Variants in RNF130 observed in about 807,000 individuals in gnomAD.
RNF130 encodes ring finger protein 130.
RNF130 carries 21 observed loss-of-function variants against 44.6 expected under a neutral mutation model. The ratio of observed to expected loss-of-function variants is 0.47; its 90% CI spans 0.33 to 0.68. The LOEUF is 0.68. RNF130 is among the 30% of genes least tolerant of loss of function. The pLI is 0.02. For missense variants in RNF130, 479 were observed against 560.6 expected (o/e 0.85, Z 1.47); for synonymous variants, 214 against 210.4 (o/e 1.02, Z -0.15).
At chr5:179,932,255 T>TAATAC (rs1210877402) in intron 7 of RNF130, among the ~76,000 whole-genome samples, 2 of 152,174 alleles carry the variant, frequency 1.3e-5, no homozygotes, top group Admixed American at 6.5e-5. Context: ...TCAAGACCTT[T>TAATAC]AATACAAATG....
intron 2 of RNF130, among the ~76,000 whole-genome samples, chr5:180,020,372 C>T (rs1283078633): frequency 6.6e-6 from 1 of 152,162 alleles, no homozygotes; most frequent in African/African-American, 2.4e-5. Flanking sequence ...TGAAGTCTCC[C>T]CACGTGGAAG....
intron 3 of RNF130, among the ~76,000 whole-genome samples, chr5:180,004,727 G>A (rs1763424296): frequency 6.6e-6 from 1 of 152,220 alleles, no homozygotes; most frequent in African/African-American, 2.4e-5. Flanking sequence ...AGTATATTGA[G>A]GATAGGTCAC....
chr5:180,025,601 G>C (rs1186156122), intron 2 of RNF130, among the ~76,000 whole-genome samples: 1 of 151,926 alleles, frequency 6.6e-6, no homozygotes, highest in Non-Finnish European at 1.5e-5. Flanking sequence ...TACTGCTTAA[G>C]TGTTTCAGTT....
At chr5:179,924,787 A>G (rs1006519283) in intron 7 of RNF130, among the ~76,000 whole-genome samples, 1 of 151,596 alleles carries the variant, frequency 6.6e-6, no homozygotes, top group Non-Finnish European at 1.5e-5. Context: ...AGGCTATCTC[A>G]AAAAAAAATT....
chr5:179,960,239 A>G (rs1762296345), intron 8 of RNF130, among the ~76,000 whole-genome samples: 1 of 152,238 alleles, frequency 6.6e-6, no homozygotes. Context: ...TGAGAAGCCA[A>G]TATGTAAATA....
At chr5:180,004,536 A>T (rs1763420635) in intron 3 of RNF130, among the ~76,000 whole-genome samples, 1 of 152,216 alleles carries the variant, frequency 6.6e-6, no homozygotes, top group Non-Finnish European at 1.5e-5. Flanking sequence ...TATAGCATAC[A>T]GCTTGAGGGG....
chr5:180,054,191 T>C (rs904314066), intron 1 of RNF130, among the ~76,000 whole-genome samples: 7 of 152,210 alleles, frequency 4.6e-5, no homozygotes, highest in Admixed American at 2.0e-4. Context: ...TTATATCTTA[T>C]GCATTCATGC....
chr5:179,947,333 A>G (rs1762056447), intron 7 of RNF130, among the ~76,000 whole-genome samples: 1 of 152,114 alleles, frequency 6.6e-6, no homozygotes, highest in Non-Finnish European at 1.5e-5. Context: ...ATCACCATCC[A>G]GCCCTAGGAC....
chr5:179,958,007 A>C (rs1400218324), intron 8 of RNF130, among the ~76,000 whole-genome samples: 1 of 150,580 alleles, frequency 6.6e-6, no homozygotes, highest in Non-Finnish European at 1.5e-5. Context: ...CCTCCCAAGT[A>C]GCTGGGACTA....
At chr5:179,978,113 G>T in intron 5 of RNF130, 90 bp downstream of exon 5, 1 of 1,102,376 alleles carries the variant, frequency 9.1e-7, no homozygotes, top group South Asian at 1.3e-5. Flanking sequence ...GGTGGGTGGC[G>T]CTCAAAAGCA....
exon 8 of RNF130, chr5:179,918,816 C>G (rs1460259920): frequency 2.0e-5 from 3 of 152,236 alleles, no homozygotes; most frequent in African/African-American, 7.2e-5. Context: ...GCTCCTGAAG[C>G]CTGTCCCCAT....
chr5:179,990,813 G>T (rs936891672), intron 3 of RNF130, among the ~76,000 whole-genome samples: 2 of 152,118 alleles, frequency 1.3e-5, no homozygotes, highest in Non-Finnish European at 2.9e-5. Flanking sequence ...TCTCTGTATG[G>T]CCTGGTTTTT....
chr5:179,941,769 T>C (rs1288944771), intron 7 of RNF130, among the ~76,000 whole-genome samples: 1 of 152,222 alleles, frequency 6.6e-6, no homozygotes, highest in African/African-American at 2.4e-5. Context: ...CTAGTTCTTC[T>C]TGATATGATG....
At chr5:180,063,465 G>C (rs2113185844) in intron 1 of RNF130, among the ~76,000 whole-genome samples, 1 of 152,308 alleles carries the variant, frequency 6.6e-6, no homozygotes, top group Non-Finnish European at 1.5e-5. Flanking sequence ...AGCAGATAGG[G>C]AGGTGAAAAA....
chr5:180,039,553 G>A (rs1162784778), intron 2 of RNF130, among the ~76,000 whole-genome samples: 1 of 152,110 alleles, frequency 6.6e-6, no homozygotes, highest in Non-Finnish European at 1.5e-5. Flanking sequence ...CAAGTCAGAG[G>A]GCACTAAAGT....
intron 3 of RNF130, among the ~76,000 whole-genome samples, chr5:180,008,008 T>TA (rs1763502144): frequency 2.0e-5 from 3 of 149,966 alleles, no homozygotes; most frequent in Non-Finnish European, 3.0e-5. Context: ...TTTTTTTTTT[T>TA]AACAGGTATA....
chr5:179,947,528 G>T lies in RNF130; in HGVS notation c.1150+19278C>A, dbSNP rs1398118711. Among the ~76,000 whole-genome samples, 3 of 152,348 alleles carry T rather than the reference G, an allele frequency of 2.0e-5. No individual in the cohort carries two copies. In the East Asian group the frequency reaches 5.8e-4, roughly 29 times the overall value. ...TTTGGAACACAGACCCTGGGGGCCA[G>T]CTTATGTGTTGAAATCCAGCCTCTG... On this transcript the variant is annotated intron_variant, in intron 7 of 7. Coordinates refer to the RNF130 transcript ENST00000522208.
chr5:180,040,364 A>G, intron 2 of RNF130, 89 bp downstream of exon 2: 1 of 1,204,160 alleles, frequency 8.3e-7, no homozygotes, highest in Non-Finnish European at 1.2e-6. Context: ...GTTGGAAATT[A>G]CATGGCTTCA....
intron 7 of RNF130, among the ~76,000 whole-genome samples, chr5:179,936,515 C>T (rs2113679779): frequency 1.3e-5 from 2 of 152,252 alleles, no homozygotes; most frequent in South Asian, 4.1e-4. Flanking sequence ...AGGTGTGAGC[C>T]ACCACACCTA....
Sources: allele counts gnomAD v4.1 joint callset (sites outside exome capture counted in the v4.1 genomes callset), GRCh38; gene constraint gnomAD v4.1.1; transcripts MANE v1.5; gene names NCBI Gene and HGNC (gene_info 2026-07-23, HGNC 2026-07-21).